Variants in ARHGAP26 observed in about 807,000 individuals in gnomAD.
The protein encoded by ARHGAP26 is Rho GTPase activating protein 26.
In ARHGAP26, 38 loss-of-function variants were observed where a neutral mutation model predicts 104.8. That is an observed-to-expected ratio of 0.36 (90% CI 0.28 to 0.48). The LOEUF (loss-of-function observed/expected upper bound fraction) is 0.48. Ranked by LOEUF, ARHGAP26 falls within the 20% of genes least tolerant of loss-of-function variation. ARHGAP26 has a pLI of 0.99. For synonymous variants in ARHGAP26, 341 were observed against 340.0 expected (o/e 1.00, Z -0.03); for missense variants, 704 against 947.9 (o/e 0.74, Z 3.38).
intron 11 of ARHGAP26, among the ~76,000 whole-genome samples, chr5:142,966,127 GAC>G (rs749856379): frequency 6.6e-6 from 1 of 152,078 alleles, no homozygotes; most frequent in Non-Finnish European, 1.5e-5. Flanking sequence ...GTCAAATATT[GAC>G]ACACACACTT....
chr5:142,802,718 C>A (rs943139367), intron 1 of ARHGAP26, among the ~76,000 whole-genome samples: 1 of 151,952 alleles, frequency 6.6e-6, no homozygotes, highest in Non-Finnish European at 1.5e-5. Flanking sequence ...AAATACAATG[C>A]ACATACTAGG....
intron 1 of ARHGAP26, among the ~76,000 whole-genome samples, chr5:142,799,698 T>C (rs1254183078): frequency 2.0e-5 from 3 of 152,158 alleles, no homozygotes; most frequent in African/African-American, 7.2e-5. Context: ...TGTCATCCCA[T>C]GTTGGAAGGG....
chr5:142,808,391 T>C (rs1425086444), intron 1 of ARHGAP26, among the ~76,000 whole-genome samples: 1 of 151,844 alleles, frequency 6.6e-6, no homozygotes, highest in African/African-American at 2.4e-5. Context: ...GTGTCAAATT[T>C]TGTTTAGTAG....
intron 17 of ARHGAP26, among the ~76,000 whole-genome samples, chr5:143,093,147 CTT>C (rs142805079): frequency 1.2e-4 from 17 of 142,512 alleles, no homozygotes; most frequent in Non-Finnish European, 1.1e-4. Flanking sequence ...TACCTTTTTG[CTT>C]TTTTTTTTTT....
intron 1 of ARHGAP26, among the ~76,000 whole-genome samples, chr5:142,822,124 C>G (rs974512330): frequency 1.3e-5 from 2 of 152,194 alleles, no homozygotes; most frequent in Admixed American, 6.5e-5. Flanking sequence ...TTGGAACAGT[C>G]TTTACTGGTC....
intron 1 of ARHGAP26, among the ~76,000 whole-genome samples, chr5:142,826,839 A>G (rs1326886493): frequency 6.6e-6 from 1 of 152,232 alleles, no homozygotes; most frequent in Non-Finnish European, 1.5e-5. Flanking sequence ...AATACTTGAT[A>G]AAAACCTGGC....
chr5:142,891,785 G>T (rs1012122321), intron 5 of ARHGAP26, among the ~76,000 whole-genome samples: 1 of 151,826 alleles, frequency 6.6e-6, no homozygotes, highest in African/African-American at 2.4e-5. Flanking sequence ...ACAGTGTTTT[G>T]TTTCTTACTA....
intron 20 of ARHGAP26, among the ~76,000 whole-genome samples, chr5:143,206,039 C>A (rs1284607518): frequency 6.6e-5 from 10 of 152,156 alleles, no homozygotes; most frequent in African/African-American, 2.4e-4. Context: ...ATAGGTGTTA[C>A]AACAGTAAGT....
intron 1 of ARHGAP26, chr5:142,771,204 G>C (rs1237877747): frequency 2.0e-5 from 25 of 1,281,004 alleles, no homozygotes; most frequent in Non-Finnish European, 5.9e-6. Context: ...TGCGCGGCAC[G>C]CAGGTGTCCC....
chr5:143,068,093 A>T (rs961269811), intron 17 of ARHGAP26, among the ~76,000 whole-genome samples: 2 of 152,214 alleles, frequency 1.3e-5, no homozygotes, highest in African/African-American at 4.8e-5. Context: ...GAGCCCAGGG[A>T]GGCAGAGGTT....
At chr5:142,826,616 C>T (rs1767336316) in intron 1 of ARHGAP26, among the ~76,000 whole-genome samples, 1 of 152,190 alleles carries the variant, frequency 6.6e-6, no homozygotes, top group African/African-American at 2.4e-5. Context: ...TGTCGCCACA[C>T]CATGTTCTCT....
chr5:142,957,518 G>A (rs7723229), intron 11 of ARHGAP26, among the ~76,000 whole-genome samples: 12,482 of 152,156 alleles, frequency 0.082, 1,401 homozygotes, highest in African/African-American at 0.25. Context: ...TGTACCATTG[G>A]TAATAAGACC....
intron 1 of ARHGAP26, among the ~76,000 whole-genome samples, chr5:142,810,168 T>A (rs138660667): frequency 5.5e-4 from 83 of 152,282 alleles, no homozygotes; most frequent in African/African-American, 1.9e-3. Context: ...TTTAGTTTTG[T>A]CTGGGAGGGG....
At chr5:142,908,698 C>G (rs538973207) in intron 9 of ARHGAP26, 1 of 164,626 alleles carries the variant, frequency 6.1e-6, no homozygotes, top group Non-Finnish European at 1.5e-5. Flanking sequence ...CCCTGCCTCT[C>G]CATGGGAGGG....
intron 20 of ARHGAP26, among the ~76,000 whole-genome samples, chr5:143,166,877 A>G (rs764947187): frequency 7.9e-5 from 12 of 152,236 alleles, no homozygotes; most frequent in Non-Finnish European, 1.6e-4. Context: ...GCCATCCAGT[A>G]TTTTGGGAGT....
intron 18 of ARHGAP26, among the ~76,000 whole-genome samples, chr5:143,131,565 T>G (rs960774314): frequency 5.3e-5 from 8 of 152,204 alleles, no homozygotes; most frequent in Non-Finnish European, 2.9e-5. Context: ...TAGAAGACAC[T>G]GTTAGGTTGA....
intron 1 of ARHGAP26, among the ~76,000 whole-genome samples, chr5:142,830,351 G>A (rs10072246): frequency 0.041 from 6,273 of 152,242 alleles, 438 homozygotes; most frequent in African/African-American, 0.14. Context: ...GCAATTGAGA[G>A]TGACTATGGC....
At position 142,923,965 on chromosome 5, in the gene ARHGAP26, C is replaced by T. The variant is rs74665602; in HGVS notation, c.1029-8082C>T. On this transcript the variant is annotated intron_variant, in intron 10 of 22. Transcript: ENST00000645722. ...CAAGCTCCGCCCCCCGGGTTCGTGC[C>T]GTTCTCCTGCCTCAGCCTCCCAAGT... Among the ~76,000 whole-genome samples, 102 of 151,226 alleles carry T rather than the reference C, an allele frequency of 6.7e-4. 1 individual carries two copies. Among genetic ancestry groups the T allele is most frequent in the Middle Eastern group, 3.4e-3 (1 of 294 alleles).
chr5:142,993,318 C>T (rs1341595862), intron 11 of ARHGAP26, among the ~76,000 whole-genome samples: 4 of 151,850 alleles, frequency 2.6e-5, no homozygotes, highest in African/African-American at 4.8e-5. Flanking sequence ...TACAGGCGCC[C>T]GCCACCGCGC....
Sources: allele counts gnomAD v4.1 joint callset (sites outside exome capture counted in the v4.1 genomes callset), GRCh38; gene constraint gnomAD v4.1.1; transcripts MANE v1.5; gene names NCBI Gene and HGNC (gene_info 2026-07-23, HGNC 2026-07-21).